COL25A1: variants seen among roughly 807,000 people sequenced by gnomAD.
The protein encoded by COL25A1 is collagen type XXV alpha 1 chain, also known as collagen alpha-1(XXV) chain.
In COL25A1, 103 loss-of-function variants were observed where a neutral mutation model predicts 128.4. The observed-to-expected ratio is 0.80, with a 90% confidence interval of 0.68 to 0.94. The LOEUF (loss-of-function observed/expected upper bound fraction) is 0.94. Ranked by LOEUF, COL25A1 falls within the 40% of genes least tolerant of loss-of-function variation. The pLI is 0.00. For missense variants in COL25A1, 745 were observed against 840.0 expected (o/e 0.89, Z 1.40); for synonymous variants, 279 against 277.2 (o/e 1.01, Z -0.06).
At position 108,901,099 on chromosome 4, in the gene COL25A1, T is replaced by C. The variant is rs1476729468; in HGVS notation, c.834+20A>G. ...CAATTCGTGTGTCAAATGATTCTGC[T>C]TGGCTTTATTTGTACTAACCTTAGG... On this transcript the variant is annotated intron_variant, in intron 14 of 37. Transcript: ENST00000399132. 3 of 1,590,190 alleles carry C rather than the reference T, an allele frequency of 1.9e-6. No homozygotes were observed. Among genetic ancestry groups the C allele is most frequent in the Non-Finnish European group, 2.6e-6 (3 of 1,159,804 alleles).
At chr4:108,964,926 T>C (rs900898457) in intron 8 of COL25A1, among the ~76,000 whole-genome samples, 5 of 152,210 alleles carry the variant, frequency 3.3e-5, no homozygotes, top group Non-Finnish European at 7.3e-5. Context: ...TTGTGTTATA[T>C]CCATTCCCTT....
At chr4:109,073,807 T>C (rs1359034599) in intron 3 of COL25A1, among the ~76,000 whole-genome samples, 1 of 152,226 alleles carries the variant, frequency 6.6e-6, no homozygotes, top group Non-Finnish European at 1.5e-5. Flanking sequence ...GTCTACTAAT[T>C]TTTTGGCATT....
chr4:109,023,352 A>C lies in COL25A1; in HGVS notation c.421-12977T>G, dbSNP rs545099843. ...CATCACCACAACAAGGGAAGAAGTCACACAGCAATGCATGAACGGCATTTG... is the reference window on the plus strand; with the variant it reads ...CATCACCACAACAAGGGAAGAAGTCCCACAGCAATGCATGAACGGCATTTG... On this transcript the variant is annotated intron_variant, in intron 5 of 37. Transcript: ENST00000399132. Among the ~76,000 whole-genome samples the C allele has an allele frequency of 3.7e-4, 57 of 152,352 alleles. No individual in the cohort carries two copies. The South Asian group carries it at 4.6e-3, about 12-fold the overall frequency.
chr4:109,141,250 T>C (rs937882190), intron 3 of COL25A1, among the ~76,000 whole-genome samples: 3 of 152,236 alleles, frequency 2.0e-5, no homozygotes. Flanking sequence ...GATTTGCATA[T>C]GCTGAAACAG....
chr4:108,838,152 T>C (rs1233711672), intron 31 of COL25A1: 2 of 1,550,244 alleles, frequency 1.3e-6, no homozygotes, highest in Non-Finnish European at 1.7e-6. Context: ...CCTTCAATCC[T>C]TTAACACCAT....
At chr4:108,891,127 G>T (rs977812264) in intron 16 of COL25A1, among the ~76,000 whole-genome samples, 1 of 152,126 alleles carries the variant, frequency 6.6e-6, no homozygotes, top group Non-Finnish European at 1.5e-5. Flanking sequence ...TACATGTAAG[G>T]TGAACGAATG....
At chr4:109,080,137 A>G (rs1389525811) in intron 3 of COL25A1, among the ~76,000 whole-genome samples, 3 of 152,298 alleles carry the variant, frequency 2.0e-5, no homozygotes, top group East Asian at 3.9e-4. Flanking sequence ...GTACTGTGCT[A>G]TTATAGATAT....
intron 3 of COL25A1, among the ~76,000 whole-genome samples, chr4:109,095,894 A>C (rs1041043509): frequency 6.6e-6 from 1 of 152,164 alleles, no homozygotes; most frequent in Non-Finnish European, 1.5e-5. Flanking sequence ...TTAATCACAT[A>C]AGAGTAGCAA....
intron 3 of COL25A1, among the ~76,000 whole-genome samples, chr4:109,284,509 G>A (rs909007316): frequency 6.6e-6 from 1 of 152,202 alleles, no homozygotes; most frequent in Admixed American, 6.6e-5. Flanking sequence ...AGACAATTAA[G>A]TAAATGGATC....
Position 109,035,777 on chromosome 4 carries a change from T to C in COL25A1, c.420+12391A>G, listed in dbSNP as rs552534382. Among the ~76,000 whole-genome samples, 6 of 152,242 alleles carry C rather than the reference T, an allele frequency of 3.9e-5. No individual in the cohort carries two copies. In the South Asian group the frequency reaches 1.2e-3, roughly 32 times the overall value. Reference sequence around the variant, plus strand: ...AATTCCTTATAAATTATGATATTTGTACAAGGTCAAGCAATTTTTCATTTT... The same window carrying C: ...AATTCCTTATAAATTATGATATTTGCACAAGGTCAAGCAATTTTTCATTTT... On this transcript the variant is annotated intron_variant, in intron 5 of 37. Coordinates refer to ENST00000399132, the MANE Select transcript of COL25A1 (RefSeq NM_198721.4).
intron 3 of COL25A1, among the ~76,000 whole-genome samples, chr4:109,157,788 C>T (rs750735303): frequency 6.6e-6 from 1 of 152,220 alleles, no homozygotes; most frequent in Non-Finnish European, 1.5e-5. Flanking sequence ...CAGCTCCCTG[C>T]TTATGCCCAG....
At chr4:108,845,522 T>C (rs1734981933) in intron 28 of COL25A1, among the ~76,000 whole-genome samples, 1 of 152,194 alleles carries the variant, frequency 6.6e-6, no homozygotes, top group African/African-American at 2.4e-5. Flanking sequence ...GTTAAATACA[T>C]TGAGTTATAA....
chr4:109,287,841 A>C (rs564429985), intron 3 of COL25A1, among the ~76,000 whole-genome samples: 14 of 152,308 alleles, frequency 9.2e-5, no homozygotes, highest in Non-Finnish European at 1.5e-4. Context: ...AGGAGCTGAT[A>C]AAGTGGGTTG....
At chr4:108,876,113 A>G (rs1167960285) in intron 19 of COL25A1, among the ~76,000 whole-genome samples, 3 of 152,084 alleles carry the variant, frequency 2.0e-5, no homozygotes, top group Non-Finnish European at 2.9e-5. Context: ...CCTAATGTAA[A>G]TGATAAGTTG....
In COL25A1 at chr4:109,077,956, A is replaced by G. The variant is rs145616775; in HGVS notation, c.368-27777T>C. Among the ~76,000 whole-genome samples, 121 of 152,256 alleles carry G rather than the reference A, an allele frequency of 7.9e-4. 2 individuals carry two copies. The East Asian group carries it at 0.022, about 28-fold the overall frequency. ...TCTTTGGCCATCACCCATAAAGGAT[A>G]ATTTTGGGGATGGAGAGAGGATAGA... On this transcript the variant is annotated intron_variant, in intron 3 of 37. Coordinates refer to ENST00000399132, the MANE Select transcript of COL25A1 (RefSeq NM_198721.4).
intron 27 of COL25A1, among the ~76,000 whole-genome samples, chr4:108,848,183 T>G (rs1288639615): frequency 1.3e-5 from 2 of 152,222 alleles, no homozygotes; most frequent in Non-Finnish European, 2.9e-5. Flanking sequence ...ACAGATTGTA[T>G]GTGGCCTGTA....
intron 8 of COL25A1, among the ~76,000 whole-genome samples, chr4:108,961,018 CAATT>C (rs762741202): frequency 2.6e-5 from 4 of 152,000 alleles, no homozygotes; most frequent in African/African-American, 7.2e-5. Flanking sequence ...TTTTAAAAAA[CAATT>C]AATTAGAAGA....
At chr4:109,202,394 T>A (rs1776620879) in intron 3 of COL25A1, among the ~76,000 whole-genome samples, 1 of 151,090 alleles carries the variant, frequency 6.6e-6, no homozygotes, top group Admixed American at 6.6e-5. Context: ...CATGACTGGA[T>A]ATCCATATGC....
At chr4:109,012,144 C>T (rs1756654907) in intron 5 of COL25A1, among the ~76,000 whole-genome samples, 1 of 152,348 alleles carries the variant, frequency 6.6e-6, no homozygotes, top group Non-Finnish European at 1.5e-5. Flanking sequence ...TCCCAAGTAC[C>T]TGGGACTACA....
Sources: gnomAD v4.1 joint callset for allele counts (sites outside exome capture counted in the v4.1 genomes callset) on GRCh38, gnomAD v4.1.1 for gene constraint, MANE v1.5 for transcripts, NCBI Gene and HGNC (gene_info 2026-07-23, HGNC 2026-07-21) for gene names.